SPATA13: variants seen among roughly 807,000 people sequenced by gnomAD.
The protein encoded by SPATA13 is spermatogenesis-associated protein 13.
In SPATA13, 50 loss-of-function variants were observed where a neutral mutation model predicts 104.0. The ratio of observed to expected loss-of-function variants is 0.48; its 90% CI spans 0.38 to 0.61. The LOEUF (loss-of-function observed/expected upper bound fraction) is 0.61. SPATA13 is among the 20% of genes least tolerant of loss of function. The pLI is 0.00. For missense variants in SPATA13, 1,524 were observed against 1,690.6 expected, an observed-to-expected ratio of 0.90 and a Z score of 1.73; for synonymous variants, 606 against 667.5, an observed-to-expected ratio of 0.91 and a Z score of 1.42.
At chr13:24,288,543 C>T (rs1171727568) in intron 7 of SPATA13, among the ~76,000 whole-genome samples, 16 of 152,010 alleles carry the variant, frequency 1.1e-4, no homozygotes, top group Non-Finnish European at 2.2e-4. Flanking sequence ...CATAGAAAGG[C>T]GGTGCTGGTG....
intron 3 of SPATA13, among the ~76,000 whole-genome samples, chr13:24,077,036 T>C (rs1467509975): frequency 6.6e-6 from 1 of 151,986 alleles, no homozygotes; most frequent in Non-Finnish European, 1.5e-5. Flanking sequence ...ACGAGCCAGT[T>C]TTCATTATTA....
chr13:24,017,004 A>C (rs938327964), intron 2 of SPATA13, among the ~76,000 whole-genome samples: 2 of 152,202 alleles, frequency 1.3e-5, no homozygotes, highest in Non-Finnish European at 2.9e-5. Flanking sequence ...CAGACTCGGC[A>C]GCCTCAGGAA....
chr13:24,060,249 A>T (rs1878726857), intron 3 of SPATA13, among the ~76,000 whole-genome samples: 1 of 152,222 alleles, frequency 6.6e-6, no homozygotes, highest in Admixed American at 6.5e-5. Context: ...AGGCCAGTGG[A>T]ACAGAATAGA....
chr13:24,110,130 C>T (rs1053444845), intron 3 of SPATA13, among the ~76,000 whole-genome samples: 1 of 151,418 alleles, frequency 6.6e-6, no homozygotes, highest in Admixed American at 6.6e-5. Context: ...AATAATGGCA[C>T]TTTGTTTCTT....
At chr13:24,158,957 A>G (rs1882348670), upstream of SPATA13, among the ~76,000 whole-genome samples, 1 of 152,230 alleles carries the variant, frequency 6.6e-6, no homozygotes, top group Non-Finnish European at 1.5e-5. Flanking sequence ...AGTTTCAAAT[A>G]TAGTGCTTTC....
intron 3 of SPATA13, among the ~76,000 whole-genome samples, chr13:24,093,678 G>A (rs1246176315): frequency 1.3e-5 from 2 of 152,148 alleles, no homozygotes; most frequent in Non-Finnish European, 2.9e-5. Flanking sequence ...TGAGGAAACT[G>A]CTAGATAGGT....
intron 1 of SPATA13, among the ~76,000 whole-genome samples, chr13:24,192,702 A>G (rs750213440): frequency 2.0e-5 from 3 of 152,128 alleles, no homozygotes; most frequent in Non-Finnish European, 4.4e-5. Flanking sequence ...ACCCGCTTCT[A>G]CGGTGTGATT....
chr13:23,987,041 T>TGTGTGTGTG (rs1875180473), intron 2 of SPATA13, among the ~76,000 whole-genome samples: 1 of 61,192 alleles, frequency 1.6e-5, no homozygotes, highest in East Asian at 7.3e-4. Flanking sequence ...GTGTGTGTGT[T>TGTGTGTGTG]ACTACTCCAC....
At chr13:24,087,662 T>C (rs1046425396) in intron 3 of SPATA13, among the ~76,000 whole-genome samples, 9 of 152,176 alleles carry the variant, frequency 5.9e-5, no homozygotes, top group African/African-American at 2.2e-4. Context: ...ACCCCTGCCA[T>C]GGCATCTTTC....
chr13:24,053,644 GCTGT>G (rs1446680621), intron 3 of SPATA13, among the ~76,000 whole-genome samples: 4 of 151,982 alleles, frequency 2.6e-5, no homozygotes, highest in Non-Finnish European at 4.4e-5. Flanking sequence ...TTGGGGCTGA[GCTGT>G]CTAAGACACC....
At chr13:24,127,613 C>T (rs1335224411) in intron 3 of SPATA13, among the ~76,000 whole-genome samples, 1 of 152,208 alleles carries the variant, frequency 6.6e-6, no homozygotes, top group African/African-American at 2.4e-5. Flanking sequence ...AGTTTAGAGC[C>T]TTCCAGCCCA....
At chr13:24,274,372 C>T (rs1003771960) in intron 4 of SPATA13, among the ~76,000 whole-genome samples, 5 of 152,246 alleles carry the variant, frequency 3.3e-5, no homozygotes, top group Non-Finnish European at 5.9e-5. Flanking sequence ...CACCACCCAA[C>T]CTGACTCAGT....
intron 3 of SPATA13, among the ~76,000 whole-genome samples, chr13:24,056,596 G>A (rs935124758): frequency 6.6e-6 from 1 of 152,136 alleles, no homozygotes; most frequent in African/African-American, 2.4e-5. Flanking sequence ...CACCCACAGA[G>A]CCCAGCACAG....
chr13:24,092,618 A>C (rs1487175709), intron 3 of SPATA13, among the ~76,000 whole-genome samples: 4 of 152,232 alleles, frequency 2.6e-5, no homozygotes, highest in Admixed American at 2.6e-4. Flanking sequence ...TTAGAGATGG[A>C]CTATGTAGAA....
In SPATA13 at chr13:24,120,379, T is replaced by C. The variant is rs376502698; in HGVS notation, c.-111-102440T>C. On this transcript the variant is annotated intron_variant, in intron 3 of 14. Transcript: ENST00000424834. ...GACACTTTGGCTGTGTTGCTTTTCT[T>C]TGGGGAAGATGTATGGCTAAGCTGT... 4.5e-4 allele frequency among the ~76,000 whole-genome samples: 69 copies of C among 152,326 alleles called. 1 individual carries two copies. Among genetic ancestry groups the C allele is most frequent in the African/African-American group, 1.6e-3 (68 of 41,580 alleles).
chr13:24,217,365 T>G (rs1246181528), intron 1 of SPATA13, among the ~76,000 whole-genome samples: 1 of 152,182 alleles, frequency 6.6e-6, no homozygotes, highest in Non-Finnish European at 1.5e-5. Flanking sequence ...CTGCTAGACA[T>G]CCTACAAAGC....
At chr13:24,136,974 C>A (rs1225773103) in intron 3 of SPATA13, among the ~76,000 whole-genome samples, 2 of 101,360 alleles carry the variant, frequency 2.0e-5, no homozygotes, top group African/African-American at 3.4e-5. Context: ...GGACTACAGG[C>A]GCCCGCCACT....
chr13:23,985,871 G>A (rs867538429), intron 2 of SPATA13, among the ~76,000 whole-genome samples: 18 of 152,316 alleles, frequency 1.2e-4, no homozygotes, highest in African/African-American at 3.1e-4. Context: ...AACAGCCAGC[G>A]GTCCATACGC....
chr13:24,210,083 T>A (rs892447852), intron 1 of SPATA13, among the ~76,000 whole-genome samples: 2 of 152,206 alleles, frequency 1.3e-5, no homozygotes, highest in Non-Finnish European at 2.9e-5. Flanking sequence ...AAATGTTCAG[T>A]TCCTTTGTAC....
Sources: gnomAD v4.1 joint callset for allele counts (sites outside exome capture counted in the v4.1 genomes callset) on GRCh38, gnomAD v4.1.1 for gene constraint, MANE v1.5 for transcripts, NCBI Gene and HGNC (gene_info 2026-07-23, HGNC 2026-07-21) for gene names.